UCHL3: variants seen among roughly 807,000 people sequenced by gnomAD.
UCHL3 encodes the protein ubiquitin C-terminal hydrolase L3.
UCHL3 carries 22 observed loss-of-function variants against 35.8 expected under a neutral mutation model. The observed-to-expected ratio is 0.61, with a 90% CI of 0.44 to 0.88. UCHL3 has a LOEUF of 0.88. UCHL3 is among the 40% of genes least tolerant of loss of function. The pLI is 0.00. For synonymous variants in UCHL3, 90 were observed against 92.8 expected (o/e 0.97, Z 0.17); for missense variants, 229 against 276.9 (o/e 0.83, Z 1.23).
At chr13:75,597,355 G>A (rs969492214) in intron 7 of UCHL3, among the ~76,000 whole-genome samples, 3 of 150,594 alleles carry the variant, frequency 2.0e-5, no homozygotes, top group Non-Finnish European at 3.0e-5. Context: ...GGGTGACATG[G>A]CAAGACGTCA....
intron 4 of UCHL3, 65 bp downstream of exon 4, chr13:75,566,916 A>G: frequency 6.7e-7 from 1 of 1,493,950 alleles, no homozygotes; most frequent in Non-Finnish European, 9.0e-7. Context: ...ATTGAGCAGT[A>G]GGTGGTGCTC....
chr13:75,589,209 T>C (rs1001063667), intron 6 of UCHL3, among the ~76,000 whole-genome samples: 1 of 152,174 alleles, frequency 6.6e-6, no homozygotes, highest in Admixed American at 6.6e-5. Flanking sequence ...TTATGTTACT[T>C]AACCCATTTG....
chr13:75,583,800 A>C (rs1289863204), intron 6 of UCHL3, among the ~76,000 whole-genome samples: 2 of 152,208 alleles, frequency 1.3e-5, no homozygotes, highest in Non-Finnish European at 2.9e-5. Context: ...AGAAGCCCAA[A>C]ATTTATGGGT....
chr13:75,601,952 A>G (rs1413353330), intron 7 of UCHL3, among the ~76,000 whole-genome samples: 1 of 152,032 alleles, frequency 6.6e-6, no homozygotes, highest in Non-Finnish European at 1.5e-5. Flanking sequence ...TACTAAAAAT[A>G]CAAAAAATTA....
At chr13:75,587,105 A>G (rs554071082) in intron 6 of UCHL3, among the ~76,000 whole-genome samples, 25 of 151,822 alleles carry the variant, frequency 1.6e-4, no homozygotes, top group Admixed American at 3.9e-4. Context: ...AATGAAATTC[A>G]TTACTGTAGT....
intron 7 of UCHL3, among the ~76,000 whole-genome samples, chr13:75,602,589 C>T (rs369579820): frequency 6.6e-6 from 1 of 152,128 alleles, no homozygotes; most frequent in Non-Finnish European, 1.5e-5. Context: ...AAGTTGTTGG[C>T]AAGTGACAGT....
chr13:75,552,356 C>T (rs986220203), intron 2 of UCHL3, among the ~76,000 whole-genome samples: 1 of 152,180 alleles, frequency 6.6e-6, no homozygotes, highest in Non-Finnish European at 1.5e-5. Flanking sequence ...CTTTTATTTC[C>T]TCAACCTAAT....
chr13:75,579,670 C>A (rs184328456), intron 6 of UCHL3, among the ~76,000 whole-genome samples: 1 of 151,958 alleles, frequency 6.6e-6, no homozygotes, highest in Admixed American at 6.6e-5. Flanking sequence ...ATTCTTAGAC[C>A]GAACTTACCA....
At chr13:75,570,396 T>C (rs1249620920) in intron 6 of UCHL3, among the ~76,000 whole-genome samples, 2 of 152,002 alleles carry the variant, frequency 1.3e-5, no homozygotes, top group Admixed American at 6.6e-5. Context: ...CCACCATGCC[T>C]GGCTAATTTT....
intron 6 of UCHL3, among the ~76,000 whole-genome samples, chr13:75,571,085 C>T (rs772328964): frequency 1.3e-5 from 2 of 152,132 alleles, no homozygotes; most frequent in Non-Finnish European, 2.9e-5. Context: ...TGATCCTGAA[C>T]ATATTCATAA....
intron 2 of UCHL3, among the ~76,000 whole-genome samples, chr13:75,554,798 G>A (rs913502177): frequency 2.7e-5 from 4 of 150,892 alleles, no homozygotes; most frequent in African/African-American, 9.8e-5. Context: ...GTGTAGATTT[G>A]TTATATAGGT....
intron 8 of UCHL3, among the ~76,000 whole-genome samples, chr13:75,605,305 C>T (rs13378544): frequency 0.024 from 3,589 of 152,136 alleles, 157 homozygotes; most frequent in African/African-American, 0.081. Context: ...GTCAGGAGTT[C>T]GAGACCAGCC....
intron 6 of UCHL3, among the ~76,000 whole-genome samples, chr13:75,570,270 C>T (rs2031812349): frequency 6.6e-6 from 1 of 151,862 alleles, no homozygotes; most frequent in Non-Finnish European, 1.5e-5. Context: ...CAGAGTCTTG[C>T]TCAGTTGCCC....
At chr13:75,586,548 T>C (rs1191256655) in intron 6 of UCHL3, among the ~76,000 whole-genome samples, 2 of 151,970 alleles carry the variant, frequency 1.3e-5, no homozygotes, top group African/African-American at 4.8e-5. Context: ...CTTCAGAAAT[T>C]TGGAATACAA....
At chr13:75,568,867 A>C (rs1458137952) in intron 5 of UCHL3, among the ~76,000 whole-genome samples, 1 of 152,190 alleles carries the variant, frequency 6.6e-6, no homozygotes, top group Non-Finnish European at 1.5e-5. Context: ...GCTATTTATA[A>C]AGATTGTACT....
intron 2 of UCHL3, among the ~76,000 whole-genome samples, chr13:75,558,455 G>C (rs1195106840): frequency 6.6e-6 from 1 of 152,164 alleles, no homozygotes; most frequent in South Asian, 2.1e-4. Flanking sequence ...ATGTAAAATT[G>C]CTCTGTTGTA....
intron 6 of UCHL3, chr13:75,590,092 C>T (rs1177695250): frequency 1.5e-6 from 2 of 1,304,182 alleles, no homozygotes; most frequent in African/African-American, 1.5e-5. Flanking sequence ...CGCTGGCGAC[C>T]CTTCTTACGT....
chr13:75,563,238 C>T (rs1277445739), intron 3 of UCHL3, among the ~76,000 whole-genome samples: 2 of 152,150 alleles, frequency 1.3e-5, no homozygotes, highest in African/African-American at 2.4e-5. Flanking sequence ...TGCAGTGGTG[C>T]GATCTCAGTT....
intron 3 of UCHL3, among the ~76,000 whole-genome samples, chr13:75,564,683 A>G (rs1380225341): frequency 6.6e-6 from 1 of 151,816 alleles, no homozygotes; most frequent in Non-Finnish European, 1.5e-5. Flanking sequence ...ATTACCATCA[A>G]TGATAGTGTT....
Sources: allele counts gnomAD v4.1 joint callset (sites outside exome capture counted in the v4.1 genomes callset), GRCh38; gene constraint gnomAD v4.1.1; transcripts MANE v1.5; gene names NCBI Gene and HGNC (gene_info 2026-07-23, HGNC 2026-07-21).